The following CLVS1 variants were observed in gnomAD, a reference collection of about 807,000 sequenced individuals.
CLVS1 encodes the protein clavesin-1.
CLVS1 carries 10 observed loss-of-function variants against 33.1 expected under a neutral mutation model. That is an observed-to-expected ratio of 0.30 (90% CI 0.19 to 0.51). The LOEUF is 0.51. Ranked by LOEUF, CLVS1 falls within the 20% of genes least tolerant of loss-of-function variation. The pLI is 0.97. For missense variants in CLVS1, 343 were observed against 433.4 expected (o/e 0.79, Z 1.85); for synonymous variants, 163 against 166.1 (o/e 0.98, Z 0.14).
At chr8:61,318,510 T>G (rs768714664) in intron 2 of CLVS1, among the ~76,000 whole-genome samples, 2 of 152,234 alleles carry the variant, frequency 1.3e-5, no homozygotes, top group Non-Finnish European at 2.9e-5. Flanking sequence ...TCAGGACTCA[T>G]GCATTTCTGT....
At chr8:61,304,110 A>C (rs1462824325) in intron 2 of CLVS1, among the ~76,000 whole-genome samples, 1 of 152,242 alleles carries the variant, frequency 6.6e-6, no homozygotes, top group Non-Finnish European at 1.5e-5. Context: ...CTTTGCAAGG[A>C]AATGACTTCA....
At chr8:61,287,344 CTGT>C (rs1479362361), upstream of CLVS1, among the ~76,000 whole-genome samples, 4 of 152,088 alleles carry the variant, frequency 2.6e-5, no homozygotes, top group African/African-American at 9.7e-5. Flanking sequence ...TTCTAAAAGG[CTGT>C]TAGTGTTTCT....
intron 2 of CLVS1, among the ~76,000 whole-genome samples, chr8:61,264,288 C>T (rs531484838): frequency 6.6e-6 from 1 of 152,112 alleles, no homozygotes; most frequent in Admixed American, 6.6e-5. Flanking sequence ...TTGGAACTTT[C>T]TCTGAGTTTA....
the CLVS1 span, among the ~76,000 whole-genome samples, chr8:60,997,804 A>G: frequency 6.6e-5 from 10 of 152,258 alleles, no homozygotes; most frequent in African/African-American, 2.4e-4. Flanking sequence ...TCTTGAGCTG[A>G]GAAGAGCCTA....
chr8:61,020,731 C>T, the CLVS1 span, among the ~76,000 whole-genome samples: 11 of 152,338 alleles, frequency 7.2e-5, no homozygotes, highest in African/African-American at 2.6e-4. Flanking sequence ...CTTTTGCATG[C>T]CTCATGCTTA....
At chr8:60,992,046 C>T in the CLVS1 span, among the ~76,000 whole-genome samples, 1 of 152,274 alleles carries the variant, frequency 6.6e-6, no homozygotes, top group South Asian at 2.1e-4. Flanking sequence ...CCACACCTGG[C>T]CTCCTGCTGC....
At chr8:61,090,843 T>C (rs1305973436) in intron 1 of CLVS1, 1 of 517,798 alleles carries the variant, frequency 1.9e-6, no homozygotes, top group Non-Finnish European at 3.9e-6. Flanking sequence ...ATGATAAGAT[T>C]TGGGACTTTT....
chr8:61,372,863 T>C (rs1359126197), intron 2 of CLVS1, among the ~76,000 whole-genome samples: 2 of 152,224 alleles, frequency 1.3e-5, no homozygotes, highest in Non-Finnish European at 2.9e-5. Flanking sequence ...AGAGGTCAAG[T>C]GCCATTTTCA....
At chr8:60,992,314 T>C in the CLVS1 span, among the ~76,000 whole-genome samples, 1 of 152,178 alleles carries the variant, frequency 6.6e-6, no homozygotes, top group African/African-American at 2.4e-5. Flanking sequence ...AAGCTTCGTA[T>C]TGAGTGGAGT....
intron 2 of CLVS1, among the ~76,000 whole-genome samples, chr8:61,252,669 T>C (rs943954934): frequency 2.0e-5 from 3 of 152,260 alleles, no homozygotes; most frequent in Admixed American, 6.5e-5. Flanking sequence ...TACCATTATG[T>C]AATGCCCTTC....
chr8:61,357,177 T>C (rs1812745757), intron 2 of CLVS1, among the ~76,000 whole-genome samples: 1 of 152,174 alleles, frequency 6.6e-6, no homozygotes, highest in African/African-American at 2.4e-5. Context: ...TTTGAAGCAA[T>C]TGTGAATGGG....
At chr8:61,463,156 T>C (rs553631627) in intron 5 of CLVS1, among the ~76,000 whole-genome samples, 1 of 152,326 alleles carries the variant, frequency 6.6e-6, no homozygotes, top group East Asian at 1.9e-4. Context: ...CAACCTCTGC[T>C]AGCTTCCAAT....
intron 3 of CLVS1, among the ~76,000 whole-genome samples, chr8:61,395,077 G>T (rs970920439): frequency 6.6e-6 from 1 of 152,098 alleles, no homozygotes; most frequent in Non-Finnish European, 1.5e-5. Context: ...TTAGATACAG[G>T]CCTCTTATCA....
rs1585672593 is a variant in CLVS1 at position 61,186,604 on chromosome 8, A to T, written c.-152+54744A>T. 2.6e-5 allele frequency among the ~76,000 whole-genome samples: 4 copies of T among 152,242 alleles called. No individual in the cohort carries two copies. In the South Asian group the frequency reaches 8.3e-4, roughly 32 times the overall value. On this transcript the variant is annotated intron_variant, in intron 2 of 2. Transcript: ENST00000522621. ...TTGCTAGGTGGAAAGTATATACGAG[A>T]ACAATGAAGAATGGGCACTATAACT...
At chr8:61,359,078 T>C (rs1411138312) in intron 2 of CLVS1, among the ~76,000 whole-genome samples, 1 of 152,194 alleles carries the variant, frequency 6.6e-6, no homozygotes, top group African/African-American at 2.4e-5. Flanking sequence ...AAAGAAATGG[T>C]TCTAAATTTT....
chr8:61,165,998 G>A (rs1212128998), intron 2 of CLVS1, among the ~76,000 whole-genome samples: 1 of 137,672 alleles, frequency 7.3e-6, no homozygotes, highest in Non-Finnish European at 1.6e-5. Flanking sequence ...GCAAGAACGT[G>A]GGTTACATAT....
intron 3 of CLVS1, among the ~76,000 whole-genome samples, chr8:61,382,375 A>G (rs1475318539): frequency 1.3e-5 from 2 of 152,204 alleles, no homozygotes; most frequent in Non-Finnish European, 2.9e-5. Flanking sequence ...ACAGGAGTAC[A>G]GCAGGGAAAA....
intron 1 of CLVS1, among the ~76,000 whole-genome samples, chr8:61,063,342 G>GA (rs1457795217): frequency 1.3e-5 from 2 of 151,406 alleles, no homozygotes; most frequent in East Asian, 3.9e-4. Flanking sequence ...GGTGAGGGGT[G>GA]AAATGGCTGT....
intron 2 of CLVS1, among the ~76,000 whole-genome samples, chr8:61,146,354 G>A (rs1466218823): frequency 2.6e-5 from 4 of 152,198 alleles, no homozygotes; most frequent in Non-Finnish European, 5.9e-5. Flanking sequence ...GGTTCTAGCT[G>A]CCATAGAAAA....
Sources: gnomAD v4.1 joint callset for allele counts (sites outside exome capture counted in the v4.1 genomes callset) on GRCh38, gnomAD v4.1.1 for gene constraint, MANE v1.5 for transcripts, NCBI Gene and HGNC (gene_info 2026-07-23, HGNC 2026-07-21) for gene names.